The following SBF2 variants were observed in gnomAD, a reference collection of about 807,000 sequenced individuals.
SBF2 encodes myotubularin-related protein 13.
In SBF2, 112 loss-of-function variants were observed where a neutral mutation model predicts 225.2. The ratio of observed to expected loss-of-function variants is 0.50; its 90% CI spans 0.43 to 0.58. The LOEUF (loss-of-function observed/expected upper bound fraction) is 0.58, where lower values mean the gene tolerates loss of function less well. SBF2 is among the 20% of genes least tolerant of loss of function. The probability of loss-of-function intolerance (pLI) is 0.00; values close to 1 mark genes in which losing one functional copy is unlikely to be tolerated. For synonymous variants in SBF2, 763 were observed against 773.3 expected (o/e 0.99, Z 0.22); for missense variants, 1,996 against 2,206.2 (o/e 0.90, Z 1.91).
chr11:9,868,440 C>G (rs981860634), intron 17 of SBF2, among the ~76,000 whole-genome samples: 1 of 150,652 alleles, frequency 6.6e-6, no homozygotes, highest in Admixed American at 6.6e-5. Flanking sequence ...ATGGCATGAA[C>G]CCGGGAGGCG....
intron 16 of SBF2, among the ~76,000 whole-genome samples, chr11:9,928,071 A>G (rs1426438503): frequency 1.3e-5 from 2 of 152,186 alleles, no homozygotes; most frequent in African/African-American, 4.8e-5. Flanking sequence ...TAGATATGAT[A>G]CCAAGTGCAT....
At chr11:9,920,337 C>A (rs1235761616) in intron 16 of SBF2, among the ~76,000 whole-genome samples, 1 of 151,882 alleles carries the variant, frequency 6.6e-6, no homozygotes, top group Non-Finnish European at 1.5e-5. Flanking sequence ...TGAGCTTTGG[C>A]AGGGAGATAG....
intron 16 of SBF2, among the ~76,000 whole-genome samples, chr11:9,933,782 T>C (rs1864677664): frequency 6.6e-6 from 1 of 152,074 alleles, no homozygotes; most frequent in African/African-American, 2.4e-5. Flanking sequence ...ATTCAAAAGC[T>C]AGCAGAAGGC....
intron 2 of SBF2, among the ~76,000 whole-genome samples, chr11:10,070,280 T>C (rs1164739113): frequency 6.6e-6 from 1 of 152,246 alleles, no homozygotes; most frequent in East Asian, 1.9e-4. Flanking sequence ...CTAGGGTTTT[T>C]ATGGTTTTAT....
chr11:10,073,337 C>A (rs1159002975), intron 2 of SBF2, among the ~76,000 whole-genome samples: 4 of 151,818 alleles, frequency 2.6e-5, no homozygotes, highest in Non-Finnish European at 4.4e-5. Context: ...TTTTCAAATT[C>A]CTTATTAAAT....
rs566003230 is a variant in SBF2 at position 9,851,450 on chromosome 11, C to T, written c.2610+1226G>A. Among the ~76,000 whole-genome samples, 13 of 152,126 alleles carry T rather than the reference C, an allele frequency of 8.5e-5. No homozygotes were observed. In the South Asian group the frequency reaches 1.2e-3, roughly 15 times the overall value. On this transcript the variant is annotated intron_variant, in intron 21 of 39. Coordinates refer to ENST00000256190, the MANE Select transcript of SBF2 (RefSeq NM_030962.4). ...TTTTCAAGAAAACAAAAAATATGGA[C>T]GAGCTTTTAACTAGACCTGTCCTTG...
intron 17 of SBF2, among the ~76,000 whole-genome samples, chr11:9,877,665 C>T (rs982815336): frequency 3.9e-5 from 6 of 152,116 alleles, no homozygotes; most frequent in African/African-American, 4.8e-5. Context: ...TCTGCTCTTG[C>T]GATAGTTTGC....
At chr11:9,991,381 T>C (rs963785571) in intron 12 of SBF2, among the ~76,000 whole-genome samples, 16 of 152,166 alleles carry the variant, frequency 1.1e-4, no homozygotes, top group African/African-American at 3.9e-4. Flanking sequence ...TCACTATCTT[T>C]ACAAAAAATA....
intron 1 of SBF2, among the ~76,000 whole-genome samples, chr11:10,286,422 C>T (rs1298972177): frequency 5.0e-5 from 2 of 40,176 alleles, no homozygotes; most frequent in Admixed American, 2.5e-4. Flanking sequence ...CGGCTCACTG[C>T]GATCTCGGCT....
Position 9,862,705 on chromosome 11 carries a change from A to G in SBF2, c.1930-4309T>C, listed in dbSNP as rs549950805. 6.6e-5 allele frequency among the ~76,000 whole-genome samples: 10 copies of G among 152,236 alleles called. No individual in the cohort carries two copies. In the East Asian group the frequency reaches 1.9e-3, roughly 29 times the overall value. Reference sequence around the variant, plus strand: ...GAGAAAATAAGCATCTATGGATAAAACTATCTTCTGATTGTGATAATTTAT... The same window carrying G: ...GAGAAAATAAGCATCTATGGATAAAGCTATCTTCTGATTGTGATAATTTAT... On this transcript the variant is annotated intron_variant, in intron 17 of 39. Transcript: ENST00000256190.
intron 2 of SBF2, among the ~76,000 whole-genome samples, chr11:10,183,170 A>C (rs897966336): frequency 5.3e-5 from 8 of 152,148 alleles, no homozygotes; most frequent in Admixed American, 5.2e-4. Flanking sequence ...CTTGAAGAAG[A>C]AAACCTGGCA....
intron 2 of SBF2, among the ~76,000 whole-genome samples, chr11:10,122,102 T>C (rs1430755432): frequency 6.6e-6 from 1 of 152,004 alleles, no homozygotes; most frequent in Non-Finnish European, 1.5e-5. Context: ...AATTCTCAAG[T>C]GAATAAGGAA....
At chr11:10,069,935 T>C (rs1950795967) in intron 2 of SBF2, among the ~76,000 whole-genome samples, 1 of 152,262 alleles carries the variant, frequency 6.6e-6, no homozygotes, top group Admixed American at 6.5e-5. Context: ...TTTTCATGTG[T>C]CTGTTGGCTG....
intron 1 of SBF2, among the ~76,000 whole-genome samples, chr11:10,269,765 TTATC>T (rs146889100): frequency 0.021 from 3,205 of 152,218 alleles, 83 homozygotes; most frequent in African/African-American, 0.063. Context: ...ATCCCACACT[TTATC>T]TATTTTTGTA....
At chr11:10,221,639 G>A (rs576336331) in intron 1 of SBF2, among the ~76,000 whole-genome samples, 3 of 152,054 alleles carry the variant, frequency 2.0e-5, no homozygotes, top group East Asian at 1.9e-4. Context: ...CTAGATTAAC[G>A]TTCCCACAGG....
At chr11:10,063,028 T>C (rs928406673) in intron 2 of SBF2, among the ~76,000 whole-genome samples, 2 of 152,156 alleles carry the variant, frequency 1.3e-5, no homozygotes, top group Non-Finnish European at 2.9e-5. Context: ...AGAGATCATG[T>C]CTTTTGCCGG....
chr11:9,808,905 G>A lies in SBF2; in HGVS notation c.4253C>T (p.Ala1418Val). Residue 1418 changes from alanine to valine, a missense_variant, in exon 31 of 40, where the codon GCA becomes GTA. Physicochemically the swap from Ala to Val is moderately conservative, Grantham distance 64. Transcript: ENST00000256190. Reference protein sequence around the residue: ...VCLEEGWDITAQVTSLVQLLS... With the variant: ...VCLEEGWDITVQVTSLVQLLS... ...AAAATATGTCTAATAGTTTACTTGT[G>A]CAGTGATGTCCCAGCCTTCCTCCAA... The A allele has an allele frequency of 1.2e-6, 2 of 1,604,986 alleles. No homozygotes were observed. Among genetic ancestry groups the A allele is most frequent in the Admixed American group, 1.7e-5 (1 of 60,008 alleles).
chr11:9,919,346 G>T (rs4616018), intron 16 of SBF2, among the ~76,000 whole-genome samples: 5 of 150,154 alleles, frequency 3.3e-5, no homozygotes, highest in South Asian at 4.2e-4. Context: ...GCTTGTAGTA[G>T]GACGAGCCAC....
At chr11:10,263,145 T>C (rs545648430) in intron 1 of SBF2, among the ~76,000 whole-genome samples, 78 of 152,200 alleles carry the variant, frequency 5.1e-4, no homozygotes, top group South Asian at 1.0e-3. Flanking sequence ...TGAAGGCCAA[T>C]TGATAAATCA....
Sources: gnomAD v4.1 joint callset for allele counts (sites outside exome capture counted in the v4.1 genomes callset) on GRCh38, gnomAD v4.1.1 for gene constraint, MANE v1.5 for transcripts, NCBI Gene and HGNC (gene_info 2026-07-23, HGNC 2026-07-21) for gene names.